The following REM1 variants were observed in gnomAD, a reference collection of about 807,000 sequenced individuals.
The protein encoded by REM1 is GTP-binding protein REM 1.
In REM1, 20 loss-of-function variants were observed where a neutral mutation model predicts 27.0. The ratio of observed to expected loss-of-function variants is 0.74; its 90% CI spans 0.52 to 1.08. REM1 has a LOEUF of 1.08. Ranked by LOEUF, REM1 falls within the 50% of genes least tolerant of loss-of-function variation. The pLI is 0.00. For synonymous variants in REM1, 159 were observed against 167.9 expected (o/e 0.95, Z 0.41); for missense variants, 405 against 407.0 (o/e 1.00, Z 0.04).
intron 2 of REM1, among the ~76,000 whole-genome samples, 198 bp from the exon 3 acceptor site, chr20:31,477,630 C>T (rs1467316184): frequency 6.6e-6 from 1 of 152,148 alleles, no homozygotes; most frequent in Admixed American, 6.5e-5. Context: ...ATCTTTCTGG[C>T]ACCTACTATG....
In REM1 at chr20:31,484,612, A is replaced by G. The variant is rs113505015; in HGVS notation, c.*182A>G. The G allele has an allele frequency of 4.4e-4, 335 of 764,410 alleles. 1 individual carries two copies. The highest frequency in any genetic ancestry group is 3.9e-3 in the Middle Eastern group (10 of 2,550). 47.4% of individuals were successfully genotyped at this position (764,410 alleles called of 1,614,324 possible). A position where few individuals can be genotyped will look rare whatever the true frequency, so the allele number is the denominator to read the frequency against. On this transcript the variant is annotated 3_prime_UTR_variant, in exon 5 of 5. Coordinates refer to ENST00000201979, the MANE Select transcript of REM1 (RefSeq NM_014012.6). ...GGGGGATCCCGGGAAAGCGATGGAC[A>G]GACAGACGATGGGGCCGAAGCCCCA... is the stretch of plus-strand genomic sequence containing the variant.
intron 3 of REM1, among the ~76,000 whole-genome samples, chr20:31,481,116 A>G (rs1173838917): frequency 6.6e-6 from 1 of 152,104 alleles, no homozygotes; most frequent in African/African-American, 2.4e-5. Flanking sequence ...TACCAAAAAC[A>G]CAAAAAATTA....
Position 31,476,580 on chromosome 20 carries a change from G to T in REM1, c.135G>T (p.Arg45=), listed in dbSNP as rs1386778877. Residue 45 remains arginine (R), a synonymous_variant, in exon 2 of 5, where the codon CGG becomes CGT. Transcript: ENST00000201979. ...CTTCCACTCAATCCCAGCATCCCCG[G>T]CTGGGCCAATCAGCCTCCCTCAACC... The part of the protein sequence containing the change: ...TVPSTQSQHP[R]LGQSASLNPP... 1.9e-6 allele frequency: 3 copies of T among 1,613,962 alleles called. No individual in the cohort carries two copies. The African/African-American group carries it at 4.0e-5, about 22-fold the overall frequency.
intron 3 of REM1, among the ~76,000 whole-genome samples, chr20:31,481,048 G>A (rs1443605358): frequency 2.0e-5 from 3 of 152,090 alleles, no homozygotes; most frequent in Non-Finnish European, 2.9e-5. Context: ...CGAGGTGGGT[G>A]GATCACCTGA....
At chr20:31,482,238 C>A in intron 3 of REM1, 49 bp from the exon 4 acceptor site, 1 of 1,579,424 alleles carries the variant, frequency 6.3e-7, no homozygotes, top group Non-Finnish European at 8.7e-7. Context: ...CTTCCTCAGC[C>A]AGGGCCTAGA....
intron 3 of REM1, among the ~76,000 whole-genome samples, chr20:31,481,464 G>A (rs1269151435): frequency 6.6e-6 from 1 of 151,748 alleles, no homozygotes; most frequent in Admixed American, 6.6e-5. Flanking sequence ...CTGCCAGGTG[G>A]GGTTGTTCTG....
chr20:31,479,690 A>G (rs1268558230), intron 3 of REM1, among the ~76,000 whole-genome samples: 3 of 152,174 alleles, frequency 2.0e-5, no homozygotes, highest in Non-Finnish European at 4.4e-5. Flanking sequence ...TGTGCGCTAC[A>G]TGGTACTCTG....
In REM1 at chr20:31,484,807, CT is replaced by C; in HGVS notation, c.*378del. The C allele has an allele frequency of 9.6e-6, 2 of 209,262 alleles. No individual in the cohort carries two copies. Among genetic ancestry groups the C allele is most frequent in the South Asian group, 1.7e-4 (1 of 6,008 alleles). The allele number at this position is 209,262 out of a possible 1,614,324, so 13.0% of individuals were successfully genotyped here. A position where few individuals can be genotyped will look rare whatever the true frequency, so the allele number is the denominator to read the frequency against. On this transcript the variant is annotated 3_prime_UTR_variant, in exon 5 of 5. Transcript: ENST00000201979. The stretch of plus-strand genomic sequence containing the variant: ...TCTCGGCTCTTCCAGGCGTCTCCAC[CT>C]ACTGCCCTCCCATCTACACTTGACT...
chr20:31,477,975 C>G, intron 3 of REM1, 65 bp downstream of exon 3: 1 of 1,016,936 alleles, frequency 9.8e-7, no homozygotes, highest in South Asian at 1.3e-5. Context: ...TCCTTCCTGT[C>G]CCCTCCTGGG....
rs59730832 is a variant in REM1, at chr20:31,476,578, C to T, written c.133C>T (p.Arg45Trp). 1.5e-4 allele frequency: 236 copies of T among 1,614,176 alleles called. 2 individuals carry two copies. In the African/African-American group the frequency reaches 2.4e-3, roughly 17 times the overall value. Residue 45 changes from arginine (R) to tryptophan (W), a missense_variant, in exon 2 of 5, where the codon CGG (arginine) becomes TGG (tryptophan). Coordinates refer to ENST00000201979, the MANE Select transcript of REM1 (RefSeq NM_014012.6). ...TVPSTQSQHP[R>W]LGQSASLNPP... Reference sequence around the variant, plus strand: ...GCCTTCCACTCAATCCCAGCATCCCCGGCTGGGCCAATCAGCCTCCCTCAA... The same window carrying T: ...GCCTTCCACTCAATCCCAGCATCCCTGGCTGGGCCAATCAGCCTCCCTCAA...
rs572963393 is a variant in REM1, at chr20:31,483,244, G to A, written c.625+756G>A. 4.1e-4 allele frequency among the ~76,000 whole-genome samples: 62 copies of A among 152,308 alleles called. No homozygotes were observed. The South Asian group carries it at 8.1e-3, about 20-fold the overall frequency. Reference sequence around the variant, plus strand: ...AAACCCAGGAGGCAGAGGTTGCAGTGAGCCAAGACCACGCCACTGCACTCC... The same window carrying A: ...AAACCCAGGAGGCAGAGGTTGCAGTAAGCCAAGACCACGCCACTGCACTCC... On this transcript the variant is annotated intron_variant, in intron 4 of 4. Coordinates refer to ENST00000201979, the MANE Select transcript of REM1 (RefSeq NM_014012.6).
In REM1 at chr20:31,484,517, C is replaced by G; in HGVS notation, c.*87C>G. ...CACTGCGGGGCAAAGGCGCCGTTAC[C>G]TGGAGTCTGCATCATGGGTCTTGCT... On this transcript the variant is annotated 3_prime_UTR_variant, in exon 5 of 5. Transcript: ENST00000201979. 1.4e-6 allele frequency: 2 copies of G among 1,396,648 alleles called. No homozygotes were observed. The highest frequency in any genetic ancestry group is 1.9e-6 in the Non-Finnish European group (2 of 1,065,874). 86.5% of individuals were successfully genotyped at this position (1,396,648 alleles called of 1,614,324 possible).
Position 31,484,314 on chromosome 20 carries a change from C to A in REM1, c.781C>A (p.Pro261Thr), listed in dbSNP as rs751341060. 7 of 1,575,614 alleles carry A rather than the reference C, an allele frequency of 4.4e-6. No individual in the cohort carries two copies. The African/African-American group carries it at 6.7e-5, about 15-fold the overall frequency. The change falls in exon 5 of 5, where the codon CCG becomes ACG. Residue 261 changes from proline to threonine, a missense_variant. By Grantham distance (38) the Pro-to-Thr change is conservative. Transcript: ENST00000201979. ...AAKEPPAPRRPASLAQRARRF... is the reference protein window; with the variant it reads ...AAKEPPAPRRTASLAQRARRF... ...CAAGGAACCCCCAGCACCCCGACGG[C>A]CGGCCAGCCTAGCCCAGCGCGCTCG...
At chr20:31,482,590 C>A in intron 4 of REM1, 102 bp downstream of exon 4, 1 of 1,199,014 alleles carries the variant, frequency 8.3e-7, no homozygotes, top group Non-Finnish European at 1.2e-6. Context: ...CAAGCTGCCC[C>A]TACCCTGCAG....
rs1980506547 is a variant in REM1 at position 31,476,493 on chromosome 20, A to ACT, written c.48_49insCT (p.Ala17LeufsTer18). The ACT allele has an allele frequency of 6.2e-7, 1 of 1,612,676 alleles. No individual in the cohort carries two copies. Among genetic ancestry groups the ACT allele is most frequent in the African/African-American group, 1.3e-5 (1 of 74,878 alleles). The stretch of plus-strand genomic sequence containing the variant: ...AAGCAAAGACCCCTCTGCACCGGCG[A>ACT]GCCAGCACCCCACTGCCCCTGTCCC... On this transcript the variant is annotated frameshift_variant, in exon 2 of 5. Transcript: ENST00000201979. LOFTEE classifies it high-confidence loss of function.
intron 3 of REM1, 84 bp from the exon 4 acceptor site, chr20:31,482,203 A>C (rs1392825240): frequency 7.8e-7 from 1 of 1,282,088 alleles, no homozygotes; most frequent in Non-Finnish European, 1.1e-6. Context: ...GCTGCATCCC[A>C]CCCATTAGAC....
intron 4 of REM1, among the ~76,000 whole-genome samples, chr20:31,482,755 G>A (rs780814874): frequency 1.9e-4 from 29 of 152,090 alleles, no homozygotes; most frequent in Non-Finnish European, 3.7e-4. Context: ...CTCCACCTTC[G>A]CCAGTCCTCC....
At chr20:31,480,548 C>A (rs1980696765) in intron 3 of REM1, among the ~76,000 whole-genome samples, 1 of 152,102 alleles carries the variant, frequency 6.6e-6, no homozygotes, top group Non-Finnish European at 1.5e-5. Flanking sequence ...GTCTCGAACT[C>A]CTGACCTCAG....
In REM1 at chr20:31,482,301, C is replaced by T. The variant is rs1413784182; in HGVS notation, c.438C>T (p.Ser146=). ...WEAEKLDKSW[S]QESCLQGGSA... is the part of the protein sequence containing the mutation. ...CTCTCCTGCAGGATAAAAGCTGGAG[C>T]CAGGAGTCATGCCTGCAGGGGGGCA... Residue 146 remains serine, a synonymous_variant, in exon 4 of 5, where the codon AGC becomes AGT. Coordinates refer to ENST00000201979, the MANE Select transcript of REM1 (RefSeq NM_014012.6). The T allele has an allele frequency of 1.2e-6, 2 of 1,614,132 alleles. No individual in the cohort carries two copies. Among genetic ancestry groups the T allele is most frequent in the South Asian group, 2.2e-5 (2 of 91,084 alleles).
Sources: gnomAD v4.1 joint callset for allele counts (sites outside exome capture counted in the v4.1 genomes callset) on GRCh38, gnomAD v4.1.1 for gene constraint, MANE v1.5 for transcripts, NCBI Gene and HGNC (gene_info 2026-07-23, HGNC 2026-07-21) for gene names.